ZBTB8A: variants seen among roughly 807,000 people sequenced by gnomAD.
ZBTB8A encodes zinc finger and BTB domain-containing protein 8A.
Under a neutral mutation model 37.8 loss-of-function variants are expected in ZBTB8A, and 19 were observed. The observed-to-expected ratio is 0.50, with a 90% CI of 0.35 to 0.74. ZBTB8A has a LOEUF of 0.74. Among genes scored for constraint, ZBTB8A ranks in the 30% least tolerant of loss-of-function variants. ZBTB8A has a pLI of 0.01. For missense variants in ZBTB8A, 394 were observed against 537.8 expected (o/e 0.73, Z 2.65); for synonymous variants, 181 against 185.2 (o/e 0.98, Z 0.19).
At chr1:32,564,516 T>A (rs2148227359) in intron 2 of ZBTB8A, among the ~76,000 whole-genome samples, 1 of 152,256 alleles carries the variant, frequency 6.6e-6, no homozygotes, top group Non-Finnish European at 1.5e-5. Flanking sequence ...AGAATGAAAT[T>A]CCCTCTCTAG....
At chr1:32,565,480 C>T (rs1644271623) in intron 2 of ZBTB8A, among the ~76,000 whole-genome samples, 1 of 151,954 alleles carries the variant, frequency 6.6e-6, no homozygotes, top group Non-Finnish European at 1.5e-5. Flanking sequence ...ATAGCAAGAC[C>T]GTGTCTCTAC....
intron 2 of ZBTB8A, among the ~76,000 whole-genome samples, chr1:32,572,310 GT>G (rs1181127615): frequency 6.6e-6 from 1 of 151,864 alleles, no homozygotes; most frequent in African/African-American, 2.4e-5. Flanking sequence ...CAGTTTTTAA[GT>G]TATATTTTAA....
At chr1:32,593,826 A>C (rs1644509191) in intron 3 of ZBTB8A, 72 bp downstream of exon 3, 4 of 1,196,396 alleles carry the variant, frequency 3.3e-6, no homozygotes, top group Admixed American at 5.1e-5. Context: ...CTGTCAAAAC[A>C]CCCTTAGTTT....
intron 2 of ZBTB8A, among the ~76,000 whole-genome samples, chr1:32,557,364 G>A (rs1644211176): frequency 6.6e-6 from 1 of 152,124 alleles, no homozygotes; most frequent in African/African-American, 2.4e-5. Flanking sequence ...GTTTTTGTTT[G>A]TTTTTGTTTT....
intron 1 of ZBTB8A, among the ~76,000 whole-genome samples, chr1:32,552,526 C>T (rs1484627224): frequency 9.2e-5 from 14 of 151,904 alleles, no homozygotes; most frequent in South Asian, 2.1e-4. Flanking sequence ...ATTAGCCAGG[C>T]GTGATGGTGT....
chr1:32,547,854 C>T (rs1458751847), intron 1 of ZBTB8A, among the ~76,000 whole-genome samples: 1 of 117,384 alleles, frequency 8.5e-6, no homozygotes, highest in African/African-American at 3.4e-5. Flanking sequence ...AAAAAAAAGA[C>T]CAGGCGCAGT....
At chr1:32,594,392 CCT>C (rs1570370398) in intron 3 of ZBTB8A, among the ~76,000 whole-genome samples, 1 of 151,794 alleles carries the variant, frequency 6.6e-6, no homozygotes, top group East Asian at 1.9e-4. Context: ...TAGTTCAATC[CCT>C]GAGACACATA....
chr1:32,584,838 G>A (rs1046779187), intron 2 of ZBTB8A, among the ~76,000 whole-genome samples: 9 of 151,392 alleles, frequency 5.9e-5, no homozygotes, highest in Non-Finnish European at 1.2e-4. Context: ...ATTGTTAATA[G>A]TTAAATTTTA....
At chr1:32,567,055 A>C (rs1278602987) in intron 2 of ZBTB8A, among the ~76,000 whole-genome samples, 2 of 152,168 alleles carry the variant, frequency 1.3e-5, no homozygotes, top group Non-Finnish European at 2.9e-5. Flanking sequence ...ACTCCCTAAG[A>C]CTGTGTAATT....
intron 1 of ZBTB8A, among the ~76,000 whole-genome samples, chr1:32,543,762 C>T (rs369721459): frequency 1.3e-5 from 2 of 152,038 alleles, no homozygotes; most frequent in Non-Finnish European, 2.9e-5. Flanking sequence ...CTGCAAGCTC[C>T]GCCTCCTGGG....
intron 2 of ZBTB8A, among the ~76,000 whole-genome samples, chr1:32,589,660 C>T (rs1014799583): frequency 5.3e-5 from 8 of 152,048 alleles, no homozygotes; most frequent in Admixed American, 4.6e-4. Context: ...AGCAATTCTC[C>T]TACCTCAGCC....
intron 1 of ZBTB8A, among the ~76,000 whole-genome samples, chr1:32,553,046 G>A (rs2148218420): frequency 1.3e-5 from 2 of 150,952 alleles, no homozygotes; most frequent in Admixed American, 1.3e-4. Context: ...AATTGTATCT[G>A]ACAGAGGCTC....
chr1:32,557,208 A>G (rs532301105), intron 2 of ZBTB8A, among the ~76,000 whole-genome samples: 2 of 152,094 alleles, frequency 1.3e-5, no homozygotes, highest in Admixed American at 6.6e-5. Context: ...AAGCTGAGGC[A>G]GGAGAATCAC....
At chr1:32,579,651 G>T (rs1251521389) in intron 2 of ZBTB8A, among the ~76,000 whole-genome samples, 1 of 151,986 alleles carries the variant, frequency 6.6e-6, no homozygotes, top group African/African-American at 2.4e-5. Context: ...GCTCCATTCA[G>T]TGTGATTTTC....
intron 2 of ZBTB8A, among the ~76,000 whole-genome samples, chr1:32,566,589 C>A (rs1359198288): frequency 6.6e-6 from 1 of 152,118 alleles, no homozygotes; most frequent in Non-Finnish European, 1.5e-5. Flanking sequence ...CACATAATTG[C>A]CTTTCAGTAT....
rs1205131944 is a variant in ZBTB8A at position 32,593,548 on chromosome 1, C to G, written c.617C>G (p.Ser206Cys). 1 of 1,614,160 alleles carries G rather than the reference C, an allele frequency of 6.2e-7. No homozygotes were observed. The highest frequency in any genetic ancestry group is 1.7e-5 in the Admixed American group (1 of 60,016). ...GCCAAGCATGAACCAAGGAAAGAGT[C>G]CATTAAAAAGACCAAACATTTGAGA... The part of the protein sequence containing the change: ...PLAKHEPRKE[S>C]IKKTKHLRLS... Residue 206 changes from serine to cysteine, a missense_variant, in exon 3 of 5, where the codon TCC becomes TGC. By Grantham distance (112) the Ser-to-Cys change is moderately radical. Transcript: ENST00000373510.
At chr1:32,580,946 C>T (rs907052303) in intron 2 of ZBTB8A, among the ~76,000 whole-genome samples, 10 of 150,546 alleles carry the variant, frequency 6.6e-5, no homozygotes, top group Admixed American at 2.0e-4. Flanking sequence ...CCCAAGATAA[C>T]GGCATTAATC....
chr1:32,544,466 G>A (rs1231915847), intron 1 of ZBTB8A, among the ~76,000 whole-genome samples: 1 of 152,254 alleles, frequency 6.6e-6, no homozygotes, highest in African/African-American at 2.4e-5. Context: ...GGGAGCCCAA[G>A]GTGGGTGGAT....
chr1:32,587,075 C>T (rs991315577), intron 2 of ZBTB8A, among the ~76,000 whole-genome samples: 3 of 151,862 alleles, frequency 2.0e-5, no homozygotes, highest in African/African-American at 7.3e-5. Context: ...TCCGTCTCTA[C>T]TAAAAATACA....
Sources: allele counts gnomAD v4.1 joint callset (sites outside exome capture counted in the v4.1 genomes callset), GRCh38; gene constraint gnomAD v4.1.1; transcripts MANE v1.5; gene names NCBI Gene and HGNC (gene_info 2026-07-23, HGNC 2026-07-21).